ERC2: variants seen among roughly 807,000 people sequenced by gnomAD.
ERC2 encodes the protein ERC protein 2.
In ERC2, 42 loss-of-function variants were observed where a neutral mutation model predicts 114.8. The ratio of observed to expected loss-of-function variants is 0.37; its 90% CI spans 0.29 to 0.47. The LOEUF is 0.47. Ranked by LOEUF, ERC2 falls within the 20% of genes least tolerant of loss-of-function variation. ERC2 has a pLI of 0.99. For synonymous variants in ERC2, 454 were observed against 425.5 expected (o/e 1.07, Z -0.82); for missense variants, 939 against 1,150.7 (o/e 0.82, Z 2.66).
intron 12 of ERC2, among the ~76,000 whole-genome samples, chr3:55,972,653 C>T (rs1451681978): frequency 6.6e-6 from 1 of 152,190 alleles, no homozygotes; most frequent in Non-Finnish European, 1.5e-5. Context: ...ATATGTGTCA[C>T]ATTTTCTTTA....
rs79156374 is a variant in ERC2 at position 56,121,394 on chromosome 3, T to C, written c.1473+18115A>G. ...TAAAAACAATTAGAACACTCCTGGA[T>C]TTTCAGCAAGTACAATGTCTTTCTC... On this transcript the variant is annotated intron_variant, in intron 6 of 17. Coordinates refer to ENST00000288221, the MANE Select transcript of ERC2 (RefSeq NM_015576.3). Among the ~76,000 whole-genome samples, 551 of 152,310 alleles carry C rather than the reference T, an allele frequency of 3.6e-3. 1 individual carries two copies. Among genetic ancestry groups the C allele is most frequent in the Middle Eastern group, 0.02 (6 of 294 alleles).
intron 17 of ERC2, among the ~76,000 whole-genome samples, chr3:55,563,428 A>C (rs1044056208): frequency 6.6e-6 from 1 of 152,034 alleles, no homozygotes; most frequent in African/African-American, 2.4e-5. Context: ...ACAAGCATGA[A>C]GAAACTAACT....
chr3:55,702,255 C>A (rs1205669802), intron 15 of ERC2, among the ~76,000 whole-genome samples: 1 of 152,116 alleles, frequency 6.6e-6, no homozygotes, highest in Non-Finnish European at 1.5e-5. Context: ...AAATAAACCA[C>A]GTTGTTCATG....
intron 5 of ERC2, among the ~76,000 whole-genome samples, chr3:56,140,848 A>G (rs1575567961): frequency 6.6e-6 from 1 of 152,086 alleles, no homozygotes; most frequent in East Asian, 1.9e-4. Flanking sequence ...ATATGGTGAA[A>G]CCCCCTCTCC....
intron 2 of ERC2, among the ~76,000 whole-genome samples, chr3:56,399,543 C>T (rs1446565437): frequency 2.0e-5 from 3 of 152,096 alleles, no homozygotes; most frequent in African/African-American, 4.8e-5. Context: ...TAAATTAGAA[C>T]CTTCCCATAT....
chr3:55,621,883 C>T (rs2059343928), intron 17 of ERC2, among the ~76,000 whole-genome samples: 1 of 152,178 alleles, frequency 6.6e-6, no homozygotes, highest in Non-Finnish European at 1.5e-5. Context: ...CAGAGCATCA[C>T]ATCCCTGCCA....
At chr3:56,141,001 G>C (rs1307431263) in intron 5 of ERC2, among the ~76,000 whole-genome samples, 1 of 152,172 alleles carries the variant, frequency 6.6e-6, no homozygotes, top group African/African-American at 2.4e-5. Context: ...TCCAGCCTGG[G>C]TGACAGAGGG....
chr3:55,696,756 TATC>T (rs2062953456), intron 16 of ERC2, among the ~76,000 whole-genome samples: 1 of 152,152 alleles, frequency 6.6e-6, no homozygotes, highest in Non-Finnish European at 1.5e-5. Context: ...TAGGACAAGG[TATC>T]ATTCCACTAG....
At chr3:55,659,373 C>T (rs888484581) in intron 17 of ERC2, 1 of 152,244 alleles carries the variant, frequency 6.6e-6, no homozygotes, top group Non-Finnish European at 1.5e-5. Context: ...GCCTGGCTGT[C>T]TGTCATCCTG....
chr3:56,366,991 G>C (rs2059174978), intron 2 of ERC2, among the ~76,000 whole-genome samples: 1 of 152,150 alleles, frequency 6.6e-6, no homozygotes, highest in South Asian at 2.1e-4. Flanking sequence ...TGTGAGGTGG[G>C]GGCTCTGAGA....
intron 13 of ERC2, among the ~76,000 whole-genome samples, chr3:55,928,054 T>C (rs1245611915): frequency 6.6e-6 from 1 of 152,246 alleles, no homozygotes; most frequent in Admixed American, 6.5e-5. Context: ...TTGTGAATAG[T>C]ACTGCAGTAA....
At chr3:55,952,158 C>T (rs200922734) in intron 12 of ERC2, among the ~76,000 whole-genome samples, 2 of 59,888 alleles carry the variant, frequency 3.3e-5, no homozygotes, top group Admixed American at 4.2e-4. Context: ...CACACACACA[C>T]ACACACACAC....
intron 9 of ERC2, among the ~76,000 whole-genome samples, chr3:56,008,104 C>A (rs1560014162): frequency 6.6e-6 from 1 of 152,180 alleles, no homozygotes; most frequent in Non-Finnish European, 1.5e-5. Flanking sequence ...CAACATCTAA[C>A]TATGTGACTC....
At chr3:56,383,412 C>G (rs1044287855) in intron 2 of ERC2, among the ~76,000 whole-genome samples, 1 of 152,210 alleles carries the variant, frequency 6.6e-6, no homozygotes, top group Non-Finnish European at 1.5e-5. Context: ...ATCCCACATA[C>G]TACACTTTGT....
At chr3:55,737,667 C>A (rs1328999734) in intron 14 of ERC2, among the ~76,000 whole-genome samples, 1 of 152,112 alleles carries the variant, frequency 6.6e-6, no homozygotes, top group East Asian at 1.9e-4. Context: ...CAGACATATG[C>A]AGGTATTTAA....
At chr3:55,795,696 G>C (rs2070418956) in intron 14 of ERC2, among the ~76,000 whole-genome samples, 1 of 152,100 alleles carries the variant, frequency 6.6e-6, no homozygotes. Context: ...ATCAGCTCAG[G>C]GCCTAGAATC....
At chr3:56,362,168 A>G (rs1207930574) in intron 2 of ERC2, among the ~76,000 whole-genome samples, 1 of 152,182 alleles carries the variant, frequency 6.6e-6, no homozygotes, top group Admixed American at 6.5e-5. Flanking sequence ...AGCCAGAGAG[A>G]CGGAGGAAGG....
chr3:55,719,352 G>A (rs2064311812), intron 15 of ERC2, among the ~76,000 whole-genome samples: 1 of 152,142 alleles, frequency 6.6e-6, no homozygotes, highest in Non-Finnish European at 1.5e-5. Context: ...TAAGTCTAAA[G>A]AACCACTGAG....
chr3:56,338,600 AAAC>A (rs200857970), intron 2 of ERC2, among the ~76,000 whole-genome samples: 4 of 136,024 alleles, frequency 2.9e-5, no homozygotes, highest in Admixed American at 7.5e-5. Flanking sequence ...TGAGACATGA[AAAC>A]AAAGAAGAGT....
Sources: gnomAD v4.1 joint callset for allele counts (sites outside exome capture counted in the v4.1 genomes callset) on GRCh38, gnomAD v4.1.1 for gene constraint, MANE v1.5 for transcripts, NCBI Gene and HGNC (gene_info 2026-07-23, HGNC 2026-07-21) for gene names.